BNC2: variants seen among roughly 807,000 people sequenced by gnomAD.
BNC2 encodes the protein zinc finger protein basonuclin-2.
Under a neutral mutation model 76.3 loss-of-function variants are expected in BNC2, and 20 were observed. The observed-to-expected ratio is 0.26, with a 90% CI of 0.18 to 0.38. The LOEUF (loss-of-function observed/expected upper bound fraction) is 0.38. Among genes scored for constraint, BNC2 ranks in the 10% least tolerant of loss-of-function variants. The pLI is 1.00. For missense variants in BNC2, 1,382 were observed against 1,399.8 expected, an observed-to-expected ratio of 0.99 and a Z score of 0.20; for synonymous variants, 582 against 514.8, an observed-to-expected ratio of 1.13 and a Z score of -1.77.
chr9:16,423,501 T>A (rs1053148687), intron 6 of BNC2, among the ~76,000 whole-genome samples: 4 of 152,206 alleles, frequency 2.6e-5, no homozygotes, highest in Non-Finnish European at 5.9e-5. Flanking sequence ...TTCAAGAACA[T>A]AACTAAATCT....
intron 3 of BNC2, among the ~76,000 whole-genome samples, chr9:16,712,027 C>G (rs1198348053): frequency 6.6e-6 from 1 of 152,174 alleles, no homozygotes; most frequent in East Asian, 1.9e-4. Context: ...GTGAAAGTCA[C>G]AAATACCTTA....
chr9:16,460,219 A>C (rs1201798488), intron 5 of BNC2, among the ~76,000 whole-genome samples: 1 of 152,224 alleles, frequency 6.6e-6, no homozygotes, highest in Non-Finnish European at 1.5e-5. Flanking sequence ...TGTTATTACA[A>C]AGCACTGGCC....
At chr9:16,742,289 T>C (rs901824157) in intron 1 of BNC2, among the ~76,000 whole-genome samples, 1 of 152,230 alleles carries the variant, frequency 6.6e-6, no homozygotes, top group Non-Finnish European at 1.5e-5. Context: ...TTTCACTTCA[T>C]TAATAAACAT....
At chr9:16,676,905 G>C (rs1270819568) in intron 3 of BNC2, among the ~76,000 whole-genome samples, 1 of 152,072 alleles carries the variant, frequency 6.6e-6, no homozygotes, top group African/African-American at 2.4e-5. Flanking sequence ...TTTCTTATTT[G>C]TTTTGAGAAA....
chr9:16,546,204 T>C (rs1587153728), intron 5 of BNC2, among the ~76,000 whole-genome samples: 1 of 152,234 alleles, frequency 6.6e-6, no homozygotes, highest in African/African-American at 2.4e-5. Context: ...ATTTCATCTA[T>C]ATTATTTCAT....
At chr9:16,485,188 G>A (rs981793132) in intron 5 of BNC2, among the ~76,000 whole-genome samples, 2 of 151,848 alleles carry the variant, frequency 1.3e-5, no homozygotes, top group Admixed American at 6.6e-5. Context: ...CTGAGTGAAC[G>A]AAAGGGAGTT....
intron 3 of BNC2, among the ~76,000 whole-genome samples, chr9:16,598,103 T>A (rs1449139528): frequency 1.3e-5 from 2 of 152,206 alleles, no homozygotes; most frequent in African/African-American, 4.8e-5. Flanking sequence ...TTTGTTACTA[T>A]TCACATCACG....
intron 1 of BNC2, among the ~76,000 whole-genome samples, chr9:16,820,484 T>A (rs937026218): frequency 6.6e-6 from 1 of 151,948 alleles, no homozygotes; most frequent in Non-Finnish European, 1.5e-5. Flanking sequence ...AAAGGTTATA[T>A]TGCTAGGAAG....
intron 5 of BNC2, among the ~76,000 whole-genome samples, chr9:16,509,675 AT>A (rs1402442487): frequency 1.3e-5 from 2 of 152,258 alleles, no homozygotes; most frequent in Admixed American, 6.5e-5. Flanking sequence ...ATACCAAAGT[AT>A]AAGGTTCCAA....
intron 5 of BNC2, among the ~76,000 whole-genome samples, chr9:16,475,512 T>C (rs2131426351): frequency 6.6e-6 from 1 of 152,354 alleles, no homozygotes; most frequent in East Asian, 1.9e-4. Context: ...GATTCGGTAT[T>C]TGATCCACAA....
At chr9:16,767,965 A>AT (rs764469661) in intron 1 of BNC2, among the ~76,000 whole-genome samples, 26,307 of 138,750 alleles carry the variant, frequency 0.19, 3,935 homozygotes, top group African/African-American at 0.41. Context: ...AGGTTATGCA[A>AT]TTTTTTTTTT....
intron 1 of BNC2, among the ~76,000 whole-genome samples, chr9:16,830,221 A>G (rs1818550010): frequency 6.6e-6 from 1 of 152,212 alleles, no homozygotes; most frequent in Non-Finnish European, 1.5e-5. Flanking sequence ...TTGGAGGGCA[A>G]TTATCTCTAT....
At chr9:16,609,403 T>C (rs1038533185) in intron 3 of BNC2, among the ~76,000 whole-genome samples, 19 of 152,018 alleles carry the variant, frequency 1.2e-4, no homozygotes, top group African/African-American at 4.1e-4. Flanking sequence ...TTCATGGAGG[T>C]GAACTGAGAT....
At position 16,592,075 on chromosome 9, in the gene BNC2, CAAAAAGCTGGGCAA is replaced by C. The variant is rs574814244; in HGVS notation, c.331-9004_331-8991del. 2.0e-3 allele frequency among the ~76,000 whole-genome samples: 308 copies of C among 151,990 alleles called. 8 individuals are homozygous for C. The East Asian group carries it at 0.054, about 26-fold the overall frequency. ...AAACTGCAGGCAACATGGTAAAAGA[CAAAAAGCTGGGCAA>C]TTTAAAGATGGTTAACCACCCCTCC... On this transcript the variant is annotated intron_variant, in intron 3 of 6. Transcript: ENST00000380672.
intron 3 of BNC2, among the ~76,000 whole-genome samples, chr9:16,688,758 T>C (rs1323045431): frequency 2.0e-5 from 3 of 152,182 alleles, no homozygotes; most frequent in Admixed American, 6.5e-5. Context: ...GGTTTAATTA[T>C]GGAATAACTG....
At chr9:16,483,956 C>T (rs1329347783) in intron 5 of BNC2, among the ~76,000 whole-genome samples, 1 of 152,170 alleles carries the variant, frequency 6.6e-6, no homozygotes, top group Non-Finnish European at 1.5e-5. Flanking sequence ...CTTAATAAAT[C>T]CTGGCTGATA....
intron 1 of BNC2, among the ~76,000 whole-genome samples, chr9:16,778,536 T>G (rs1015921024): frequency 6.6e-6 from 1 of 152,242 alleles, no homozygotes; most frequent in Non-Finnish European, 1.5e-5. Flanking sequence ...GCACATATTA[T>G]GTGTCAGATA....
chr9:16,437,785 C>A (rs1489492985), intron 5 of BNC2, among the ~76,000 whole-genome samples: 1 of 152,164 alleles, frequency 6.6e-6, no homozygotes, highest in East Asian at 1.9e-4. Flanking sequence ...CACTGGGGCT[C>A]TGTGATCTAA....
chr9:16,668,114 A>G lies in BNC2; in HGVS notation c.330+59683T>C, dbSNP rs946881786. Among the ~76,000 whole-genome samples the G allele has an allele frequency of 3.9e-5, 6 of 152,162 alleles. No homozygotes were observed. The East Asian group carries it at 7.7e-4, about 20-fold the overall frequency. ...GAAGATCACATTTAGCGAAGCTCCC[A>G]TGGAAAGACCAGCTTATTTTTATGC... On this transcript the variant is annotated intron_variant, in intron 3 of 6. Coordinates refer to ENST00000380672, the MANE Select transcript of BNC2 (RefSeq NM_017637.6).
Sources: allele counts gnomAD v4.1 joint callset (sites outside exome capture counted in the v4.1 genomes callset), GRCh38; gene constraint gnomAD v4.1.1; transcripts MANE v1.5; gene names NCBI Gene and HGNC (gene_info 2026-07-23, HGNC 2026-07-21).